Variants in NRXN1 observed in about 807,000 individuals in gnomAD.
NRXN1 encodes the protein neurexin-1.
NRXN1 carries 39 observed loss-of-function variants against 150.9 expected under a neutral mutation model. The observed-to-expected ratio is 0.26, with a 90% CI of 0.20 to 0.34. NRXN1 has a LOEUF of 0.34. Ranked by LOEUF, NRXN1 falls within the 10% of genes least tolerant of loss-of-function variation. The pLI is 1.00. For synonymous variants in NRXN1, 924 were observed against 757.0 expected, an observed-to-expected ratio of 1.22 and a Z score of -3.62; for missense variants, 1,815 against 1,949.9, an observed-to-expected ratio of 0.93 and a Z score of 1.30.
intron 19 of NRXN1, among the ~76,000 whole-genome samples, chr2:50,064,580 C>G (rs1695076370): frequency 6.6e-6 from 1 of 152,034 alleles, no homozygotes; most frequent in African/African-American, 2.4e-5. Context: ...TGTATCATCT[C>G]CAAGACTATA....
chr2:50,945,921 C>T (rs1162551929), intron 2 of NRXN1, among the ~76,000 whole-genome samples: 2 of 147,772 alleles, frequency 1.4e-5, no homozygotes, highest in African/African-American at 5.0e-5. Context: ...CACACACACA[C>T]ATCTTTACTT....
intron 17 of NRXN1, among the ~76,000 whole-genome samples, chr2:50,385,155 T>C (rs1033007464): frequency 1.3e-5 from 2 of 152,188 alleles, no homozygotes; most frequent in African/African-American, 4.8e-5. Context: ...AATGAAAATC[T>C]TCAATTTCCC....
rs542364181 is a variant in NRXN1 at position 50,307,807 on chromosome 2, C to A, written c.3365-70837G>T. On this transcript the variant is annotated intron_variant, in intron 17 of 22. Coordinates refer to ENST00000401669, the MANE Select transcript of NRXN1 (RefSeq NM_001330078.2). ...CCTTTATCTTTTCCGTGGATTTATA[C>A]CCAAAGCTCTGGAATAGTTGTATGA... 3.3e-5 allele frequency among the ~76,000 whole-genome samples: 5 copies of A among 152,070 alleles called. No homozygotes were observed. In the South Asian group the frequency reaches 1.0e-3, roughly 32 times the overall value.
intron 5 of NRXN1, among the ~76,000 whole-genome samples, chr2:50,814,436 G>C (rs900266102): frequency 3.9e-5 from 6 of 151,998 alleles, no homozygotes; most frequent in Admixed American, 3.3e-4. Context: ...CATAAACCAA[G>C]AGTCATTGCT....
chr2:50,784,926 A>C (rs887706855), intron 5 of NRXN1, among the ~76,000 whole-genome samples: 1 of 152,074 alleles, frequency 6.6e-6, no homozygotes, highest in Non-Finnish European at 1.5e-5. Context: ...AATTGGAATA[A>C]ACTGTATCCT....
intron 2 of NRXN1, among the ~76,000 whole-genome samples, chr2:51,003,675 A>C (rs531708712): frequency 6.6e-5 from 10 of 152,112 alleles, no homozygotes; most frequent in African/African-American, 2.4e-4. Context: ...CTCCTGGTAC[A>C]TATGACAATA....
chr2:50,409,984 T>C (rs1315952027), intron 17 of NRXN1, among the ~76,000 whole-genome samples: 1 of 152,214 alleles, frequency 6.6e-6, no homozygotes, highest in Non-Finnish European at 1.5e-5. Flanking sequence ...TAAATGTCTC[T>C]CTGATCTCAT....
At chr2:50,669,216 A>G (rs1688490872) in intron 5 of NRXN1, among the ~76,000 whole-genome samples, 1 of 152,004 alleles carries the variant, frequency 6.6e-6, no homozygotes, top group South Asian at 2.1e-4. Flanking sequence ...CCCCGGTGAC[A>G]GGCATGGGAC....
intron 18 of NRXN1, among the ~76,000 whole-genome samples, chr2:50,223,469 A>C (rs1305193327): frequency 6.6e-6 from 1 of 151,892 alleles, no homozygotes; most frequent in Non-Finnish European, 1.5e-5. Flanking sequence ...CACCTTATGA[A>C]ATATCTTTGC....
At chr2:50,641,575 G>C (rs1039620978) in intron 5 of NRXN1, among the ~76,000 whole-genome samples, 6 of 151,956 alleles carry the variant, frequency 3.9e-5, no homozygotes, top group African/African-American at 1.4e-4. Flanking sequence ...ATACAAAATG[G>C]AAAGTTTTAT....
At chr2:50,209,790 C>T (rs1227934966) in intron 18 of NRXN1, among the ~76,000 whole-genome samples, 3 of 151,804 alleles carry the variant, frequency 2.0e-5, no homozygotes, top group Non-Finnish European at 1.5e-5. Context: ...AAATTATTTA[C>T]ACTTGTTGCA....
chr2:50,858,257 T>C (rs954647450), intron 5 of NRXN1, among the ~76,000 whole-genome samples: 1 of 152,078 alleles, frequency 6.6e-6, no homozygotes, highest in Non-Finnish European at 1.5e-5. Flanking sequence ...AAACTCTGTG[T>C]CTTCAGAAAA....
At chr2:50,945,010 C>G (rs987045684) in intron 2 of NRXN1, among the ~76,000 whole-genome samples, 1 of 152,152 alleles carries the variant, frequency 6.6e-6, no homozygotes, top group South Asian at 2.1e-4. Flanking sequence ...AAACAGCATT[C>G]TAACATCTAC....
At position 50,508,676 on chromosome 2, in the gene NRXN1, C is replaced by T. The variant is rs77564264; in HGVS notation, c.2375-2059G>A. On this transcript the variant is annotated intron_variant, in intron 12 of 22. Transcript: ENST00000401669. ...GAAGCATACATAAGGGTGATATCATCGTTATACCCCATCCTTGGCTTGATC... is the reference window on the plus strand; with the variant it reads ...GAAGCATACATAAGGGTGATATCATTGTTATACCCCATCCTTGGCTTGATC... Among the ~76,000 whole-genome samples the T allele has an allele frequency of 7.2e-4, 109 of 151,970 alleles. No homozygotes were observed. In the East Asian group the frequency reaches 8.5e-3, roughly 12 times the overall value.
chr2:50,867,536 C>T (rs1460210586), intron 5 of NRXN1, among the ~76,000 whole-genome samples: 1 of 151,790 alleles, frequency 6.6e-6, no homozygotes, highest in Non-Finnish European at 1.5e-5. Context: ...CTCAAGCCTC[C>T]AAGTTCAATC....
intron 5 of NRXN1, among the ~76,000 whole-genome samples, chr2:50,666,976 T>C (rs1302802526): frequency 6.6e-6 from 1 of 151,852 alleles, no homozygotes; most frequent in South Asian, 2.1e-4. Context: ...GGTGAGAGTA[T>C]ATAAAAGAGA....
At chr2:50,143,416 C>T (rs924854522) in intron 18 of NRXN1, among the ~76,000 whole-genome samples, 1 of 151,906 alleles carries the variant, frequency 6.6e-6, no homozygotes, top group Non-Finnish European at 1.5e-5. Flanking sequence ...ATCATGCTAT[C>T]GAGGGAATTT....
chr2:49,966,694 G>C (rs573112963), intron 21 of NRXN1: 1 of 151,978 alleles, frequency 6.6e-6, no homozygotes, highest in Non-Finnish European at 1.5e-5. Context: ...TCAATTAAAA[G>C]AAAATGCTCT....
intron 5 of NRXN1, among the ~76,000 whole-genome samples, chr2:50,860,464 G>C (rs1272301762): frequency 6.6e-6 from 1 of 152,072 alleles, no homozygotes; most frequent in Non-Finnish European, 1.5e-5. Context: ...CATGTGGAAG[G>C]GTTGGGGTGA....
Sources: allele counts gnomAD v4.1 joint callset (sites outside exome capture counted in the v4.1 genomes callset), GRCh38; gene constraint gnomAD v4.1.1; transcripts MANE v1.5; gene names NCBI Gene and HGNC (gene_info 2026-07-23, HGNC 2026-07-21).